MPHOSPH10: variants seen among roughly 807,000 people sequenced by gnomAD.
MPHOSPH10 encodes the protein M-phase phosphoprotein 10.
Under a neutral mutation model 77.3 loss-of-function variants are expected in MPHOSPH10, and 33 were observed. That is an observed-to-expected ratio of 0.43 (90% CI 0.32 to 0.57). The LOEUF is 0.57. MPHOSPH10 is among the 20% of genes least tolerant of loss of function. The pLI is 0.07. For synonymous variants in MPHOSPH10, 245 were observed against 268.0 expected (o/e 0.91, Z 0.84); for missense variants, 708 against 780.1 (o/e 0.91, Z 1.10).
In MPHOSPH10 at chr2:71,138,492, G is replaced by T. The variant is rs1673540476; in HGVS notation, c.1101G>T (p.Met367Ile). The change falls in exon 5 of 11, where the codon ATG becomes ATT. Residue 367 changes from methionine to isoleucine, a missense_variant and splice_region_variant. Around this residue, in one of 3 missense-constraint regions of MPHOSPH10, gnomAD observed 433 missense variants for 432.6 expected, o/e 1.00. Transcript: ENST00000244230. ...KSSFEKRQEKMNEKIASLEKE... is the reference protein window; with the variant it reads ...KSSFEKRQEKINEKIASLEKE... Reference sequence around the variant, plus strand: ...TAGTTATTTTATCTCTTTCTTAGATGAATGAAAAAATTGCATCTTTAGAAA... The same window carrying T: ...TAGTTATTTTATCTCTTTCTTAGATTAATGAAAAAATTGCATCTTTAGAAA... 2 of 1,574,300 alleles carry T rather than the reference G, an allele frequency of 1.3e-6. No individual in the cohort carries two copies. Among genetic ancestry groups the T allele is most frequent in the African/African-American group, 2.7e-5 (2 of 72,744 alleles).
Position 71,149,341 on chromosome 2 carries a change from G to T in MPHOSPH10, c.1784G>T (p.Arg595Leu). The T allele has an allele frequency of 1.2e-6, 2 of 1,613,952 alleles. No homozygotes were observed. Among genetic ancestry groups the T allele is most frequent in the Middle Eastern group, 1.6e-4 (1 of 6,062 alleles). ...KRMKIKEKEK[R>L]RKLLEKSSVD... is the part of the protein sequence containing the mutation. ...ATGAAAATAAAAGAGAAGGAGAAGC[G>T]GAGAAAACTGCTTGAAAAGAGCAGT... The change falls in exon 10 of 11, where the codon CGG becomes CTG. Residue 595 changes from arginine (R) to leucine (L), a missense_variant. This residue lies in a region of MPHOSPH10 where 263 missense variants were observed against 320.0 expected (regional missense o/e 0.82). Coordinates refer to ENST00000244230, the MANE Select transcript of MPHOSPH10 (RefSeq NM_005791.3).
At chr2:71,134,179 A>T (rs1673442238) in intron 3 of MPHOSPH10, 74 bp downstream of exon 3, 15 of 1,417,442 alleles carry the variant, frequency 1.1e-5, no homozygotes, top group Non-Finnish European at 1.4e-5. Context: ...GTAGTTATCA[A>T]ATGTGTTTGT....
chr2:71,138,323 A>G (rs1214921421), intron 4 of MPHOSPH10, among the ~76,000 whole-genome samples, 167 bp from the exon 5 acceptor site: 2 of 152,218 alleles, frequency 1.3e-5, no homozygotes, highest in African/African-American at 4.8e-5. Context: ...TCACCCCACC[A>G]TAGGCAGCAG....
chr2:71,133,427 C>G lies in MPHOSPH10; in HGVS notation c.619C>G (p.Leu207Val). The stretch of plus-strand genomic sequence containing the variant: ...CATAGTAGATGATAAATTCTTCAAA[C>G]TCTCTGAAATGGAGGCCTATTTAGA... ...KSIVDDKFFK[L>V]SEMEAYLENI... The change falls in exon 2 of 11, where the codon CTC becomes GTC. Residue 207 changes from leucine (L) to valine (V), a missense_variant. This residue lies in a region of MPHOSPH10 where 433 missense variants were observed against 432.6 expected (regional missense o/e 1.00). Transcript: ENST00000244230. The G allele has an allele frequency of 6.2e-7, 1 of 1,614,042 alleles. No homozygotes were observed. The highest frequency in any genetic ancestry group is 1.1e-5 in the South Asian group (1 of 91,076).
intron 4 of MPHOSPH10, among the ~76,000 whole-genome samples, chr2:71,135,383 TAA>T (rs34973076): frequency 8.7e-5 from 12 of 137,312 alleles, no homozygotes; most frequent in Admixed American, 7.2e-5. Context: ...CCATCTCTAC[TAA>T]AAAAAAAAAA....
chr2:71,149,100 A>G, intron 9 of MPHOSPH10, 123 bp from the exon 10 acceptor site: 2 of 823,340 alleles, frequency 2.4e-6, no homozygotes, highest in Non-Finnish European at 3.8e-6. Context: ...ATTGCTCTGC[A>G]TCTTTGTGCA....
At position 71,131,027 on chromosome 2, in the gene MPHOSPH10, C is replaced by G. The variant is rs1325370503; in HGVS notation, c.89+273C>G. Reference sequence around the variant, plus strand: ...TCCCTTGGGCTTCTTACGCCCCCATCCCTCTACACACAGACTGTTGGTTTC... The same window carrying G: ...TCCCTTGGGCTTCTTACGCCCCCATGCCTCTACACACAGACTGTTGGTTTC... On this transcript the variant is annotated intron_variant, in intron 1 of 10. Transcript: ENST00000244230. 2.0e-5 allele frequency among the ~76,000 whole-genome samples: 3 copies of G among 151,460 alleles called. No homozygotes were observed. In the East Asian group the frequency reaches 5.8e-4, roughly 30 times the overall value.
Position 71,130,719 on chromosome 2 carries a change from C to A in MPHOSPH10, c.54C>A (p.Val18=). ...RRTLERCLTE[V]GKATGRPECF... ...CCCTGGAGCGGTGTCTGACGGAAGT[C>A]GGCAAAGCCACGGGTCGGCCCGAGT... The change falls in exon 1 of 11, where the codon GTC becomes GTA. Residue 18 remains valine, a synonymous_variant. Transcript: ENST00000244230. 6.2e-7 allele frequency: 1 copy of A among 1,610,914 alleles called. No homozygotes were observed. Among genetic ancestry groups the A allele is most frequent in the Non-Finnish European group, 8.5e-7 (1 of 1,179,284 alleles).
rs183440454 is a variant in MPHOSPH10, at chr2:71,138,851, A to G, written c.1240+220A>G. 5.1e-4 allele frequency: 336 copies of G among 656,842 alleles called. 1 individual carries two copies. The highest frequency in any genetic ancestry group is 3.9e-3 in the Middle Eastern group (13 of 3,370). 40.7% of individuals were successfully genotyped at this position (656,842 alleles called of 1,614,324 possible). On this transcript the variant is annotated intron_variant, in intron 5 of 10. Transcript: ENST00000244230. ...GGAGTTTGAGACCAGCCTGGCCAAC[A>G]TGGTGAAACCCCGTCTCTACTAAAA...
rs776386980 is a variant in MPHOSPH10, at chr2:71,133,540, AGAT to A, written c.735_737del (p.Asp245del). On this transcript the variant is annotated inframe_deletion, in exon 2 of 11. Transcript: ENST00000244230. ...TTTTTGAAGATATTGATTCTGATGA[AGAT>A]GAAGGGGGACTGTTTGGAAGTAAAA... 26 of 1,606,880 alleles carry A rather than the reference AGAT, an allele frequency of 1.6e-5. No homozygotes were observed. The highest frequency in any genetic ancestry group is 5.1e-5 in the Admixed American group (3 of 58,444).
chr2:71,138,471 T>G lies in MPHOSPH10; in HGVS notation c.1099-19T>G. On this transcript the variant is annotated intron_variant, in intron 4 of 10. Transcript: ENST00000244230. ...TTTTATTTTCTAAATGTATACTAGT[T>G]ATTTTATCTCTTTCTTAGATGAATG... 3.3e-6 allele frequency: 5 copies of G among 1,521,060 alleles called. No homozygotes were observed. The South Asian group carries it at 4.9e-5, about 15-fold the overall frequency. The allele number at this position is 1,521,060 out of a possible 1,614,324, so 94.2% of individuals were successfully genotyped here.
chr2:71,144,763 G>A (rs1162338901), intron 8 of MPHOSPH10, among the ~76,000 whole-genome samples: 1 of 152,156 alleles, frequency 6.6e-6, no homozygotes, highest in East Asian at 1.9e-4. Context: ...GCATGGTCAG[G>A]CATCATGCTA....
At chr2:71,147,755 G>A (rs1245172056) in intron 8 of MPHOSPH10, among the ~76,000 whole-genome samples, 1 of 152,078 alleles carries the variant, frequency 6.6e-6, no homozygotes, top group Non-Finnish European at 1.5e-5. Context: ...AGGTCTCTGG[G>A]ATCCTGAAGC....
At position 71,150,077 on chromosome 2, in the gene MPHOSPH10, T is replaced by C; in HGVS notation, c.*62T>C. ...CTTATATTGTGTCATTGTTCTGTTT[T>C]ATAATAAAATTCTTGAGAACCTTCC... is the stretch of plus-strand genomic sequence containing the variant. On this transcript the variant is annotated 3_prime_UTR_variant, in exon 11 of 11. Transcript: ENST00000244230. The C allele has an allele frequency of 1.0e-6, 1 of 962,956 alleles. No individual in the cohort carries two copies. Among genetic ancestry groups the C allele is most frequent in the Non-Finnish European group, 1.4e-6 (1 of 698,346 alleles). The allele number at this position is 962,956 out of a possible 1,614,324, so 59.7% of individuals were successfully genotyped here. A position where few individuals can be genotyped will look rare whatever the true frequency, so the allele number is the denominator to read the frequency against.
At chr2:71,141,036 A>G (rs958148743) in intron 6 of MPHOSPH10, among the ~76,000 whole-genome samples, 196 bp from the exon 7 acceptor site, 1 of 151,396 alleles carries the variant, frequency 6.6e-6, no homozygotes, top group East Asian at 1.9e-4. Context: ...TCTTTTTGCT[A>G]TAATTTGCTT....
In MPHOSPH10 at chr2:71,138,456, T is replaced by C. The variant is rs756483951; in HGVS notation, c.1099-34T>C. ...TACACAAATATAAGATTTTATTTTC[T>C]AAATGTATACTAGTTATTTTATCTC... On this transcript the variant is annotated intron_variant, in intron 4 of 10. Transcript: ENST00000244230. 3 of 1,452,316 alleles carry C rather than the reference T, an allele frequency of 2.1e-6. No individual in the cohort carries two copies. The East Asian group carries it at 7.3e-5, about 36-fold the overall frequency. The allele number at this position is 1,452,316 out of a possible 1,614,324, so 90.0% of individuals were successfully genotyped here. A position where few individuals can be genotyped will look rare whatever the true frequency, so the allele number is the denominator to read the frequency against.
rs1449526454 is a variant in MPHOSPH10 at position 71,134,058 on chromosome 2, T to A, written c.879T>A (p.Asp293Glu). 1 of 1,610,026 alleles carries A rather than the reference T, an allele frequency of 6.2e-7. No individual in the cohort carries two copies. The highest frequency in any genetic ancestry group is 1.3e-5 in the African/African-American group (1 of 74,904). Residue 293 changes from aspartate (D) to glutamate (E), a missense_variant, in exon 3 of 11, where the codon GAT (aspartate) becomes GAA (glutamate). Asp to Glu is a conservative substitution (Grantham distance 45, BLOSUM62 2). Transcript: ENST00000244230. ...HDDELDSNKE[D>E]DEIAEEEAEE... ...ATGAGCTGGATTCAAACAAAGAAGA[T>A]GATGAAATTGCTGAAGAAGAAGCAG... is the stretch of plus-strand genomic sequence containing the variant.
chr2:71,144,059 T>C (rs953784579), intron 7 of MPHOSPH10, among the ~76,000 whole-genome samples: 68 of 152,358 alleles, frequency 4.5e-4, no homozygotes, highest in African/African-American at 1.5e-3. Flanking sequence ...CTATCAACAA[T>C]GCACAAGGGT....
intron 8 of MPHOSPH10, among the ~76,000 whole-genome samples, chr2:71,147,481 G>A (rs1236193479): frequency 6.6e-6 from 1 of 152,096 alleles, no homozygotes; most frequent in African/African-American, 2.4e-5. Flanking sequence ...AGATCATCCT[G>A]GCTAACACGG....
Sources: gnomAD v4.1 joint callset for allele counts (sites outside exome capture counted in the v4.1 genomes callset) on GRCh38, gnomAD v4.1.1 for gene constraint, gnomAD v4.1.1 regional missense constraint, MANE v1.5 for transcripts, NCBI Gene and HGNC (gene_info 2026-07-23, HGNC 2026-07-21) for gene names.